SCARA5: variants seen among roughly 807,000 people sequenced by gnomAD.
SCARA5 encodes the protein scavenger receptor class A member 5, also known as scavenger receptor class A, member 5 (putative).
In SCARA5, 45 loss-of-function variants were observed where a neutral mutation model predicts 46.3. The ratio of observed to expected loss-of-function variants is 0.97; its 90% CI spans 0.76 to 1.24. SCARA5 has a LOEUF of 1.24. SCARA5 is among the 50% of genes most tolerant of loss of function. The pLI is 0.00. For missense variants in SCARA5, 680 were observed against 689.0 expected (o/e 0.99, Z 0.15); for synonymous variants, 333 against 306.5 (o/e 1.09, Z -0.90).
chr8:27,877,820 C>T (rs568613911), intron 8 of SCARA5, among the ~76,000 whole-genome samples: 2 of 152,106 alleles, frequency 1.3e-5, no homozygotes, highest in African/African-American at 4.8e-5. Flanking sequence ...CCAGCTGGCT[C>T]GACAGATTTC....
At chr8:27,983,848 T>C (rs1808660149) in intron 2 of SCARA5, among the ~76,000 whole-genome samples, 1 of 152,062 alleles carries the variant, frequency 6.6e-6, no homozygotes. Context: ...GTCAGGGCTG[T>C]ACTTTTGGGA....
intron 7 of SCARA5, among the ~76,000 whole-genome samples, chr8:27,881,435 T>C (rs1806810888): frequency 7.0e-6 from 1 of 142,140 alleles, no homozygotes; most frequent in Non-Finnish European, 1.5e-5. Context: ...TTATCCTAAG[T>C]GAATTAATGC....
At chr8:27,914,001 T>C (rs531863057) in intron 4 of SCARA5, among the ~76,000 whole-genome samples, 7 of 152,184 alleles carry the variant, frequency 4.6e-5, no homozygotes, top group Non-Finnish European at 1.0e-4. Context: ...CCAAATCTCA[T>C]CTTGAACTGT....
intron 3 of SCARA5, among the ~76,000 whole-genome samples, chr8:27,925,269 G>A (rs1417231251): frequency 1.3e-5 from 2 of 152,204 alleles, no homozygotes; most frequent in African/African-American, 4.8e-5. Context: ...AAAACAGCAT[G>A]GTACTGGTAC....
At chr8:27,977,708 C>T (rs1808547664) in intron 2 of SCARA5, among the ~76,000 whole-genome samples, 1 of 152,240 alleles carries the variant, frequency 6.6e-6, no homozygotes, top group African/African-American at 2.4e-5. Flanking sequence ...GAGCCACCTG[C>T]TCCTCCCCTC....
Position 27,904,620 on chromosome 8 carries a change from T to G in SCARA5, c.1153+158A>C, listed in dbSNP as rs552918324. The G allele has an allele frequency of 4.7e-5, 35 of 746,732 alleles. No homozygotes were observed. The South Asian group carries it at 5.1e-4, about 11-fold the overall frequency. The allele number at this position is 746,732 out of a possible 1,614,324, so 46.3% of individuals were successfully genotyped here. Reference sequence around the variant, plus strand: ...CCTGGGGTCTATCAGCATCTCTTGCTAGACCAGCAGAGCCCTAAAAAAGGT... The same window carrying G: ...CCTGGGGTCTATCAGCATCTCTTGCGAGACCAGCAGAGCCCTAAAAAAGGT... On this transcript the variant is annotated intron_variant, in intron 7 of 8. Coordinates refer to ENST00000354914, the MANE Select transcript of SCARA5 (RefSeq NM_173833.6).
Position 27,904,729 on chromosome 8 carries a change from T to A in SCARA5, c.1153+49A>T, listed in dbSNP as rs1390160530. 8 of 1,518,974 alleles carry A rather than the reference T, an allele frequency of 5.3e-6. No individual in the cohort carries two copies. In the South Asian group the frequency reaches 9.0e-5, roughly 17 times the overall value. 94.1% of individuals were successfully genotyped at this position (1,518,974 alleles called of 1,614,324 possible). A position where few individuals can be genotyped will look rare whatever the true frequency, so the allele number is the denominator to read the frequency against. On this transcript the variant is annotated intron_variant, in intron 7 of 8. Coordinates refer to ENST00000354914, the MANE Select transcript of SCARA5 (RefSeq NM_173833.6). ...CTTATGGGGCTGCTTGGGGGACAGCTAGCCCTGTGCCAACACCATATCCCA... is the reference window on the plus strand; with the variant it reads ...CTTATGGGGCTGCTTGGGGGACAGCAAGCCCTGTGCCAACACCATATCCCA...
rs561275247 is a variant in SCARA5 at position 27,947,754 on chromosome 8, G to A, written c.241+18660C>T. On this transcript the variant is annotated intron_variant, in intron 3 of 8. Transcript: ENST00000354914. ...GTCAGGCATGGTGGCACATGCCTGTGATCCCAGCTACTTGGGAGACTGAGG... is the reference window on the plus strand; with the variant it reads ...GTCAGGCATGGTGGCACATGCCTGTAATCCCAGCTACTTGGGAGACTGAGG... Among the ~76,000 whole-genome samples, 282 of 151,234 alleles carry A rather than the reference G, an allele frequency of 1.9e-3. 1 individual carries two copies. Among genetic ancestry groups the A allele is most frequent in the Middle Eastern group, 3.4e-3 (1 of 294 alleles).
intron 2 of SCARA5, among the ~76,000 whole-genome samples, chr8:27,969,452 A>G (rs1000644651): frequency 1.3e-5 from 2 of 152,260 alleles, no homozygotes; most frequent in African/African-American, 4.8e-5. Flanking sequence ...TGGGAAAAAC[A>G]AAACTATGGA....
At chr8:27,913,297 C>T (rs1319150865) in intron 4 of SCARA5, among the ~76,000 whole-genome samples, 2 of 152,160 alleles carry the variant, frequency 1.3e-5, no homozygotes, top group South Asian at 2.1e-4. Context: ...GTGGTACAGG[C>T]CTGGCTGACT....
chr8:27,980,773 C>T (rs1177538187), intron 2 of SCARA5, among the ~76,000 whole-genome samples: 1 of 152,194 alleles, frequency 6.6e-6, no homozygotes, highest in African/African-American at 2.4e-5. Flanking sequence ...ATCAGGAGCC[C>T]TCAGGGCCCA....
rs1389645470 is a variant in SCARA5, at chr8:27,991,870, C to CACACAT, written c.-16+381_-16+386dup. ...GCACACACACACACATGCACACACA[C>CACACAT]ACACATGCACACACACACATGCACA... On this transcript the variant is annotated intron_variant, in intron 1 of 8. Coordinates refer to ENST00000354914, the MANE Select transcript of SCARA5 (RefSeq NM_173833.6). 2.8e-5 allele frequency among the ~76,000 whole-genome samples: 4 copies of CACACAT among 141,868 alleles called. No individual in the cohort carries two copies. In the South Asian group the frequency reaches 1.0e-3, roughly 36 times the overall value. The allele number at this position is 141,868 out of a possible 152,430, so 93.1% of individuals were successfully genotyped here.
chr8:27,920,773 C>A (rs1396459629), intron 4 of SCARA5, among the ~76,000 whole-genome samples: 1 of 152,096 alleles, frequency 6.6e-6, no homozygotes, highest in East Asian at 1.9e-4. Context: ...TCACTGCCCC[C>A]CAGCCTGGGC....
intron 2 of SCARA5, among the ~76,000 whole-genome samples, chr8:27,973,595 G>C (rs1808478813): frequency 6.6e-6 from 1 of 152,172 alleles, no homozygotes. Context: ...GAACAGAATA[G>C]ATACTTTACT....
chr8:27,896,835 G>A (rs1314791854), intron 7 of SCARA5, among the ~76,000 whole-genome samples: 1 of 152,132 alleles, frequency 6.6e-6, no homozygotes, highest in Non-Finnish European at 1.5e-5. Context: ...GGCTCACGCC[G>A]GTAATCCAAA....
chr8:27,930,439 G>T (rs556164994), intron 3 of SCARA5, among the ~76,000 whole-genome samples: 315 of 149,910 alleles, frequency 2.1e-3, no homozygotes, highest in Non-Finnish European at 3.2e-3. Context: ...TTTCATTCTT[G>T]TTGCCCAGGC....
intron 7 of SCARA5, among the ~76,000 whole-genome samples, chr8:27,904,034 CT>C (rs1424060911): frequency 0.022 from 19 of 882 alleles, no homozygotes; most frequent in Non-Finnish European, 0.14. Context: ...ATGTAGCCCT[CT>C]CTAGGGGAAA....
intron 2 of SCARA5, among the ~76,000 whole-genome samples, chr8:27,975,134 A>C (rs1323203105): frequency 1.3e-5 from 2 of 152,140 alleles, no homozygotes; most frequent in South Asian, 2.1e-4. Flanking sequence ...GTTGATCATC[A>C]ATAGCCAGCG....
chr8:27,987,417 G>A, intron 2 of SCARA5, 87 bp downstream of exon 2: 3 of 852,100 alleles, frequency 3.5e-6, no homozygotes, highest in Non-Finnish European at 4.1e-6. Context: ...AGCACTTAAA[G>A]GCAATGCCAA....
Sources: allele counts gnomAD v4.1 joint callset (sites outside exome capture counted in the v4.1 genomes callset), GRCh38; gene constraint gnomAD v4.1.1; transcripts MANE v1.5; gene names NCBI Gene and HGNC (gene_info 2026-07-23, HGNC 2026-07-21).